Variants in HIBADH observed in about 807,000 individuals in gnomAD.
HIBADH encodes the protein 3-hydroxyisobutyrate dehydrogenase, mitochondrial.
Under a neutral mutation model 36.1 loss-of-function variants are expected in HIBADH, and 25 were observed. The observed-to-expected ratio is 0.69, with a 90% CI of 0.50 to 0.97. HIBADH has a LOEUF of 0.97. HIBADH is among the 50% of genes least tolerant of loss of function. HIBADH has a pLI of 0.00. For missense variants in HIBADH, 421 were observed against 418.0 expected, an observed-to-expected ratio of 1.01 and a Z score of -0.06; for synonymous variants, 160 against 149.5, an observed-to-expected ratio of 1.07 and a Z score of -0.51.
chr7:27,623,198 T>C (rs1377790554), intron 4 of HIBADH, among the ~76,000 whole-genome samples: 1 of 152,090 alleles, frequency 6.6e-6, no homozygotes, highest in African/African-American at 2.4e-5. Flanking sequence ...TTTGATAAAA[T>C]TCCACATCCC....
intron 2 of HIBADH, among the ~76,000 whole-genome samples, chr7:27,646,310 TAC>T (rs1187692207): frequency 6.6e-6 from 1 of 152,168 alleles, no homozygotes; most frequent in African/African-American, 2.4e-5. Context: ...AGATGTCACA[TAC>T]ACACACTCAA....
intron 4 of HIBADH, among the ~76,000 whole-genome samples, chr7:27,576,997 T>C (rs1784719922): frequency 6.6e-6 from 1 of 152,172 alleles, no homozygotes; most frequent in Admixed American, 6.5e-5. Flanking sequence ...TCTGATTCAA[T>C]GCATACCAAA....
At chr7:27,567,582 T>C (rs1229312571) in intron 4 of HIBADH, among the ~76,000 whole-genome samples, 1 of 152,180 alleles carries the variant, frequency 6.6e-6, no homozygotes, top group Non-Finnish European at 1.5e-5. Context: ...TCTTCTGCAT[T>C]ACAGTATTTG....
At chr7:27,560,824 G>A (rs1275258703) in intron 4 of HIBADH, among the ~76,000 whole-genome samples, 2 of 152,192 alleles carry the variant, frequency 1.3e-5, no homozygotes, top group East Asian at 3.9e-4. Context: ...ATACCCAGAA[G>A]TAAAATTGCT....
intron 4 of HIBADH, among the ~76,000 whole-genome samples, chr7:27,590,654 A>G (rs570762814): frequency 2.0e-5 from 3 of 152,292 alleles, no homozygotes; most frequent in South Asian, 2.1e-4. Context: ...CTCTACATCT[A>G]TCTACATACA....
intron 4 of HIBADH, among the ~76,000 whole-genome samples, chr7:27,545,105 T>G (rs959245357): frequency 1.8e-4 from 28 of 152,134 alleles, no homozygotes; most frequent in African/African-American, 6.0e-4. Flanking sequence ...TCATACATAT[T>G]CCTTTAATCA....
At chr7:27,574,315 A>AAGGAT (rs1166239444) in intron 4 of HIBADH, among the ~76,000 whole-genome samples, 11 of 152,024 alleles carry the variant, frequency 7.2e-5, no homozygotes, top group African/African-American at 2.7e-4. Flanking sequence ...TTTTTCCTCA[A>AAGGAT]AGGATAGGAT....
At chr7:27,528,948 A>T (rs1408366128) in intron 7 of HIBADH, among the ~76,000 whole-genome samples, 1 of 152,220 alleles carries the variant, frequency 6.6e-6, no homozygotes, top group Non-Finnish European at 1.5e-5. Context: ...GTTGAAGCCA[A>T]TGCTCATTTA....
rs551055422 is a variant in HIBADH at position 27,598,077 on chromosome 7, C to G, written c.484+31294G>C. ...TATTTGTTGGGAGAATTTAATCAAT[C>G]AAAAATTTATTTCCATCCAGTAGGT... On this transcript the variant is annotated intron_variant, in intron 4 of 7. Transcript: ENST00000265395. 2.4e-4 allele frequency among the ~76,000 whole-genome samples: 36 copies of G among 152,260 alleles called. 2 individuals are homozygous for G. In the South Asian group the frequency reaches 4.6e-3, roughly 19 times the overall value.
At chr7:27,643,043 T>G (rs1031830821) in intron 2 of HIBADH, among the ~76,000 whole-genome samples, 2 of 152,248 alleles carry the variant, frequency 1.3e-5, no homozygotes, top group African/African-American at 4.8e-5. Flanking sequence ...TTTTACTTTT[T>G]CTTTAGACTT....
At chr7:27,594,389 C>T (rs141326164) in intron 4 of HIBADH, among the ~76,000 whole-genome samples, 101 of 152,172 alleles carry the variant, frequency 6.6e-4, no homozygotes, top group African/African-American at 2.1e-3. Flanking sequence ...GTGATCCACC[C>T]GCCTTGGCCT....
At chr7:27,570,646 A>G (rs997778743) in intron 4 of HIBADH, among the ~76,000 whole-genome samples, 2 of 150,810 alleles carry the variant, frequency 1.3e-5, no homozygotes, top group Non-Finnish European at 2.9e-5. Context: ...AAATTCATCA[A>G]TCTCTACACT....
chr7:27,598,374 T>C (rs1247206794), intron 4 of HIBADH, among the ~76,000 whole-genome samples: 1 of 152,212 alleles, frequency 6.6e-6, no homozygotes, highest in Non-Finnish European at 1.5e-5. Flanking sequence ...AGAAAAATGT[T>C]TGACTATTTC....
Position 27,538,971 on chromosome 7 carries a change from C to T in HIBADH, c.619-554G>A, listed in dbSNP as rs527446639. 2.0e-5 allele frequency among the ~76,000 whole-genome samples: 3 copies of T among 152,076 alleles called. No homozygotes were observed. In the South Asian group the frequency reaches 6.2e-4, roughly 32 times the overall value. ...ATAAGAAGGATTAAATATTTAAGAACATGGGATGTTGCTGGAGATCAGTAA... is the reference window on the plus strand; with the variant it reads ...ATAAGAAGGATTAAATATTTAAGAATATGGGATGTTGCTGGAGATCAGTAA... On this transcript the variant is annotated intron_variant, in intron 5 of 7. Coordinates refer to ENST00000265395, the MANE Select transcript of HIBADH (RefSeq NM_152740.4).
intron 4 of HIBADH, among the ~76,000 whole-genome samples, chr7:27,608,367 T>A (rs147713480): frequency 2.6e-5 from 4 of 152,334 alleles, no homozygotes; most frequent in Admixed American, 2.6e-4. Context: ...GAAATTTGCA[T>A]GTAAATTTAA....
intron 4 of HIBADH, among the ~76,000 whole-genome samples, chr7:27,582,267 AT>A (rs1345537445): frequency 1.3e-5 from 2 of 152,120 alleles, no homozygotes; most frequent in African/African-American, 4.8e-5. Context: ...ACCTGAACTG[AT>A]TTAAGGCTAT....
chr7:27,589,653 A>G (rs1784912432), intron 4 of HIBADH, among the ~76,000 whole-genome samples: 1 of 152,220 alleles, frequency 6.6e-6, no homozygotes, highest in Non-Finnish European at 1.5e-5. Context: ...CTTCAAATGT[A>G]TGGTAGAAAC....
intron 4 of HIBADH, among the ~76,000 whole-genome samples, chr7:27,599,575 G>C (rs1024235952): frequency 6.6e-6 from 1 of 150,802 alleles, no homozygotes; most frequent in Non-Finnish European, 1.5e-5. Flanking sequence ...CCAGCTACTG[G>C]GGAGGCTGAG....
chr7:27,616,429 A>C (rs1303072716), intron 4 of HIBADH, among the ~76,000 whole-genome samples: 1 of 152,182 alleles, frequency 6.6e-6, no homozygotes, highest in Non-Finnish European at 1.5e-5. Context: ...GGAAAGGCCC[A>C]GGCTAATGTG....
Sources: gnomAD v4.1 joint callset for allele counts (sites outside exome capture counted in the v4.1 genomes callset) on GRCh38, gnomAD v4.1.1 for gene constraint, MANE v1.5 for transcripts, NCBI Gene and HGNC (gene_info 2026-07-23, HGNC 2026-07-21) for gene names.